Variants in ABCC4 observed in about 807,000 individuals in gnomAD.
The protein encoded by ABCC4 is ATP-binding cassette sub-family C member 4.
In ABCC4, 102 loss-of-function variants were observed where a neutral mutation model predicts 168.5. The ratio of observed to expected loss-of-function variants is 0.61; its 90% CI spans 0.52 to 0.71. ABCC4 has a LOEUF of 0.71. ABCC4 is among the 30% of genes least tolerant of loss of function. The probability of loss-of-function intolerance (pLI) is 0.00; values close to 1 mark genes in which losing one functional copy is unlikely to be tolerated. For synonymous variants in ABCC4, 617 were observed against 590.7 expected, an observed-to-expected ratio of 1.04 and a Z score of -0.65; for missense variants, 1,402 against 1,605.8, an observed-to-expected ratio of 0.87 and a Z score of 2.17.
Position 95,244,665 on chromosome 13 carries a change from G to GAAATAAATAAAT in ABCC4, c.306+2309_306+2310insATTTATTTATTT, listed in dbSNP as rs1432440350. Among the ~76,000 whole-genome samples the GAAATAAATAAAT allele has an allele frequency of 1.5e-4, 12 of 82,512 alleles. 3 individuals are homozygous for GAAATAAATAAAT. The highest frequency in any genetic ancestry group is 5.7e-3 in the Middle Eastern group (1 of 176). 54.1% of individuals were successfully genotyped at this position (82,512 alleles called of 152,430 possible). A position where few individuals can be genotyped will look rare whatever the true frequency, so the allele number is the denominator to read the frequency against. On this transcript the variant is annotated intron_variant, in intron 3 of 30. Transcript: ENST00000645237. ...AGAAAGAAAGAAAGAAAGAAAGAAA[G>GAAATAAATAAAT]AAAGAAATCATAGCAGTTCCTGGTA...
At chr13:95,035,247 G>T (rs2032071753) in intron 29 of ABCC4, among the ~76,000 whole-genome samples, 1 of 152,192 alleles carries the variant, frequency 6.6e-6, no homozygotes, top group Non-Finnish European at 1.5e-5. Context: ...AGAAGTAAAT[G>T]CTTCTGGAAT....
intron 20 of ABCC4, among the ~76,000 whole-genome samples, chr13:95,100,686 T>C (rs962040177): frequency 6.6e-6 from 1 of 152,150 alleles, no homozygotes; most frequent in Non-Finnish European, 1.5e-5. Context: ...AGTCCATCCT[T>C]GTAAATGCAG....
intron 1 of ABCC4, among the ~76,000 whole-genome samples, chr13:95,300,119 G>A (rs1450355002): frequency 6.6e-6 from 1 of 152,212 alleles, no homozygotes; most frequent in Non-Finnish European, 1.5e-5. Flanking sequence ...GGATACAGGC[G>A]TGAGCCACCG....
intron 1 of ABCC4, among the ~76,000 whole-genome samples, chr13:95,256,470 C>G (rs892406306): frequency 1.3e-5 from 2 of 152,300 alleles, no homozygotes; most frequent in Middle Eastern, 6.8e-3. Flanking sequence ...AAAATCAGGC[C>G]ATTGGCCGGG....
chr13:95,280,131 A>C (rs2041079611), intron 1 of ABCC4, among the ~76,000 whole-genome samples: 1 of 152,112 alleles, frequency 6.6e-6, no homozygotes, highest in East Asian at 1.9e-4. Context: ...ACTATCCAAG[A>C]GAAGTAGCAT....
rs150086458 is a variant in ABCC4, at chr13:95,105,176, T to C, written c.2535+10746A>G. ...ATAAGGTAGATGCAAGCTAGATCCC[T>C]AGCATGCACATTTCACAATGTTCAC... On this transcript the variant is annotated intron_variant, in intron 20 of 30. Coordinates refer to ENST00000645237, the MANE Select transcript of ABCC4 (RefSeq NM_005845.5). Among the ~76,000 whole-genome samples the C allele has an allele frequency of 4.8e-3, 731 of 152,118 alleles. 3 individuals carry two copies. Among genetic ancestry groups the C allele is most frequent in the African/African-American group, 0.016 (662 of 41,496 alleles).
Position 95,206,759 on chromosome 13 carries a change from T to C in ABCC4, c.934A>G (p.Arg312Gly), listed in dbSNP as rs766715154. ...TTCATCCCTCTGAGGCAGGAACTTC[T>C]CAGAATCTTGGAAATCTCCTTCCTG... ...LRKKEISKIL[R>G]SSCLRGMNLA... The change falls in exon 8 of 31, where the codon AGA (arginine) becomes GGA (glycine). Residue 312 changes from arginine to glycine, a missense_variant. Physicochemically the swap from Arg to Gly is moderately radical, Grantham distance 125 (BLOSUM62 -2). Coordinates refer to ENST00000645237, the MANE Select transcript of ABCC4 (RefSeq NM_005845.5). 3 of 1,614,086 alleles carry C rather than the reference T, an allele frequency of 1.9e-6. No homozygotes were observed. The highest frequency in any genetic ancestry group is 2.2e-5 in the South Asian group (2 of 91,072).
At position 95,164,243 on chromosome 13, in the gene ABCC4, A is replaced by G. The variant is rs1451595406; in HGVS notation, c.2175+135T>C. 3 of 1,042,890 alleles carry G rather than the reference A, an allele frequency of 2.9e-6. No individual in the cohort carries two copies. The East Asian group carries it at 7.4e-5, about 26-fold the overall frequency. The allele number at this position is 1,042,890 out of a possible 1,614,324, so 64.6% of individuals were successfully genotyped here. A position where few individuals can be genotyped will look rare whatever the true frequency, so the allele number is the denominator to read the frequency against. On this transcript the variant is annotated intron_variant, in intron 16 of 30. Transcript: ENST00000645237. ...TAACGGACATGGAACACCAGTAGGCAGCCCTCACTTTGTTCCCCAAAGACA... is the reference window on the plus strand; with the variant it reads ...TAACGGACATGGAACACCAGTAGGCGGCCCTCACTTTGTTCCCCAAAGACA...
chr13:95,030,646 AAGACCCCGTGAAC>A (rs1277357387), intron 30 of ABCC4, among the ~76,000 whole-genome samples: 1 of 152,230 alleles, frequency 6.6e-6, no homozygotes, highest in African/African-American at 2.4e-5. Context: ...ACACAGAGAA[AAGACCCCGTGAAC>A]AGACCCCGTG....
chr13:95,127,689 C>A (rs2035830610), intron 19 of ABCC4, among the ~76,000 whole-genome samples: 1 of 152,164 alleles, frequency 6.6e-6, no homozygotes, highest in South Asian at 2.1e-4. Flanking sequence ...AGAACTCTAT[C>A]CCCTCAGTGG....
Position 95,163,657 on chromosome 13 carries a change from G to A in ABCC4, c.2176-10C>T. The A allele has an allele frequency of 6.2e-7, 1 of 1,609,478 alleles. No individual in the cohort carries two copies. Among genetic ancestry groups the A allele is most frequent in the East Asian group, 2.2e-5 (1 of 44,518 alleles). On this transcript the variant is annotated splice_polypyrimidine_tract_variant and intron_variant, in intron 16 of 30. Coordinates refer to ENST00000645237, the MANE Select transcript of ABCC4 (RefSeq NM_005845.5). ...GAAGCACATAGGCAACCTAGGAGGG[G>A]AGAAACAACAAAGACAAAAATCAAA...
At chr13:95,027,829 C>T (rs1376489419) in intron 30 of ABCC4, among the ~76,000 whole-genome samples, 1 of 152,188 alleles carries the variant, frequency 6.6e-6, no homozygotes, top group Non-Finnish European at 1.5e-5. Flanking sequence ...AGAACTAAGA[C>T]AAAACATACT....
In ABCC4 at chr13:95,218,951, A is replaced by C. The variant is rs777446262; in HGVS notation, c.532-8170T>G. ...AGAGAAAGAAAGAAAGAAAGAAAGA[A>C]AGAAAGAAAGAAAGAAAGAAAGAAA... On this transcript the variant is annotated intron_variant, in intron 4 of 30. Transcript: ENST00000645237. 1.1e-3 allele frequency among the ~76,000 whole-genome samples: 40 copies of C among 37,220 alleles called. No individual in the cohort carries two copies. In the South Asian group the frequency reaches 0.018, roughly 16 times the overall value. The allele number at this position is 37,220 out of a possible 152,430, so 24.4% of individuals were successfully genotyped here.
At chr13:95,074,560 T>C (rs1277014455) in intron 22 of ABCC4, among the ~76,000 whole-genome samples, 1 of 152,162 alleles carries the variant, frequency 6.6e-6, no homozygotes, top group Non-Finnish European at 1.5e-5. Context: ...AATATGATCC[T>C]AATAAAGAAC....
At chr13:95,141,761 T>C (rs375622300) in intron 19 of ABCC4, among the ~76,000 whole-genome samples, 1 of 152,134 alleles carries the variant, frequency 6.6e-6, no homozygotes, top group Non-Finnish European at 1.5e-5. Context: ...GTAAACCTAT[T>C]TGTGTGTATT....
intron 25 of ABCC4, among the ~76,000 whole-genome samples, chr13:95,068,877 T>C (rs1248063940): frequency 6.6e-6 from 1 of 152,152 alleles, no homozygotes. Context: ...TGTCTGAGAG[T>C]AAGCAAACAT....
rs563892016 is a variant in ABCC4 at position 95,160,844 on chromosome 13, A to G, written c.2455+345T>C. On this transcript the variant is annotated intron_variant, in intron 19 of 30. Transcript: ENST00000645237. Reference sequence around the variant, plus strand: ...CACTATGTAAACACAGCCAATGTTTAGCAACTATTCAACTACATTTAAACA... The same window carrying G: ...CACTATGTAAACACAGCCAATGTTTGGCAACTATTCAACTACATTTAAACA... 5.9e-5 allele frequency among the ~76,000 whole-genome samples: 9 copies of G among 152,360 alleles called. No homozygotes were observed. In the East Asian group the frequency reaches 1.5e-3, roughly 26 times the overall value.
intron 30 of ABCC4, among the ~76,000 whole-genome samples, chr13:95,033,663 T>A: frequency 2.3e-5 from 1 of 43,628 alleles, no homozygotes; most frequent in East Asian, 5.3e-4. Context: ...CAATTACATC[T>A]TTTTTTTTTT....
At chr13:95,153,989 A>G (rs1166205021) in intron 19 of ABCC4, among the ~76,000 whole-genome samples, 1 of 152,240 alleles carries the variant, frequency 6.6e-6, no homozygotes, top group Non-Finnish European at 1.5e-5. Context: ...GTTATGTGAA[A>G]AAAACATTAT....
Sources: allele counts gnomAD v4.1 joint callset (sites outside exome capture counted in the v4.1 genomes callset), GRCh38; gene constraint gnomAD v4.1.1; transcripts MANE v1.5; gene names NCBI Gene and HGNC (gene_info 2026-07-23, HGNC 2026-07-21).